Variants in DEFB134 observed in about 807,000 individuals in gnomAD.
DEFB134 encodes beta-defensin 134.
In DEFB134, 7 loss-of-function variants were observed where a neutral mutation model predicts 7.4. That is an observed-to-expected ratio of 0.95 (90% confidence interval 0.54 to 1.79). The LOEUF is 1.79. DEFB134 is among the 40% of genes most tolerant of loss of function. The pLI is 0.00. For synonymous variants in DEFB134, 33 were observed against 25.0 expected (o/e 1.32, Z -0.96); for missense variants, 105 against 74.8 (o/e 1.40, Z -1.49).
rs148003710 is a variant in DEFB134 at position 11,996,223 on chromosome 8, A to G, written c.29T>C (p.Phe10Ser). The G allele has an allele frequency of 4.8e-5, 78 of 1,613,804 alleles. No individual in the cohort carries two copies. In the East Asian group the frequency reaches 1.3e-3, roughly 27 times the overall value. The stretch of plus-strand genomic sequence containing the variant: ...CAGCACTGGATCCCAAAGGAAAAGA[A>G]AGACAAACACAACAAGGAGAGGCTT... Residue 10 changes from phenylalanine (F) to serine (S), a missense_variant, in exon 1 of 2, where the codon TTT (phenylalanine) becomes TCT (serine). By Grantham distance (155) the Phe-to-Ser change is radical. Transcript: ENST00000526438.
In DEFB134 at chr8:11,994,000, T is replaced by C. The variant is rs201160571; in HGVS notation, c.181A>G (p.Lys61Glu). The change falls in exon 2 of 2, where the codon AAA (lysine) becomes GAA (glutamate). Residue 61 changes from lysine (K) to glutamate (E), a missense_variant. Lys to Glu is a moderately conservative substitution (Grantham distance 56). Transcript: ENST00000526438. ...TTATGTCAGGGTGCAGGATTTCCTT[T>C]GACACAGCACTCCAGCTGAAACATA... 5.1e-5 allele frequency: 83 copies of C among 1,613,596 alleles called. No homozygotes were observed. The highest frequency in any genetic ancestry group is 8.5e-6 in the Non-Finnish European group (10 of 1,179,916).
At chr8:12,000,549 C>G (rs9694287), upstream of DEFB134, among the ~76,000 whole-genome samples, 51,403 of 151,952 alleles carry the variant, frequency 0.34, 9,243 homozygotes, top group Non-Finnish European at 0.41. Flanking sequence ...TGCTTTTTTT[C>G]TATACATGCA....
chr8:11,996,265 T>C (rs552189482), exon 1 of DEFB134: 1 of 1,613,490 alleles, frequency 6.2e-7, no homozygotes, highest in Admixed American at 1.7e-5. Flanking sequence ...TGGGAACTTC[T>C]GTTAAGGAGG....
At chr8:12,000,725 T>C (rs1800247363), upstream of DEFB134, among the ~76,000 whole-genome samples, 1 of 152,194 alleles carries the variant, frequency 6.6e-6, no homozygotes, top group South Asian at 2.1e-4. Context: ...TGCTCACTCT[T>C]CTTCTTGTGC....
chr8:11,993,674 C>G, exon 2 of DEFB134: 1 of 245,460 alleles, frequency 4.1e-6, no homozygotes, highest in Non-Finnish European at 7.7e-6. Flanking sequence ...TGAAGCCTTT[C>G]TAAATAATAA....
intron 1 of DEFB134, among the ~76,000 whole-genome samples, chr8:11,994,398 A>G (rs376491674): frequency 3.3e-5 from 5 of 152,332 alleles, no homozygotes; most frequent in African/African-American, 1.2e-4. Flanking sequence ...CCCTAATCCA[A>G]TAAGATTGAT....
At chr8:12,000,095 T>G (rs528555725), upstream of DEFB134, among the ~76,000 whole-genome samples, 1 of 152,370 alleles carries the variant, frequency 6.6e-6, no homozygotes, top group Admixed American at 6.5e-5. Context: ...AGATTCAATA[T>G]GCAGCCTTTC....
intron 1 of DEFB134, among the ~76,000 whole-genome samples, chr8:11,994,366 A>G (rs1800062642): frequency 6.6e-6 from 1 of 152,190 alleles, no homozygotes; most frequent in Non-Finnish European, 1.5e-5. Flanking sequence ...AATATAAGTT[A>G]AATGAGGTCA....
Position 11,996,120 on chromosome 8 carries a change from T to C in DEFB134, c.58+74A>G. 1.9e-6 allele frequency: 3 copies of C among 1,562,090 alleles called. No homozygotes were observed. In the South Asian group the frequency reaches 3.4e-5, roughly 17 times the overall value. Reference sequence around the variant, plus strand: ...AATTAAAGGGCCCATGGGTGGTGTATGTTTATTGGGTTGTTTAGTGGCATT... The same window carrying C: ...AATTAAAGGGCCCATGGGTGGTGTACGTTTATTGGGTTGTTTAGTGGCATT... On this transcript the variant is annotated intron_variant, in intron 1 of 1. Coordinates refer to ENST00000526438, the Ensembl canonical transcript of DEFB134.
At chr8:11,993,563 T>C (rs1222663150) in exon 2 of DEFB134, 1 of 157,114 alleles carries the variant, frequency 6.4e-6, no homozygotes, top group African/African-American at 2.4e-5. Flanking sequence ...CAGAAGGCCA[T>C]GGCAAATCTG....
intron 1 of DEFB134, among the ~76,000 whole-genome samples, 163 bp downstream of exon 2, chr8:11,996,031 C>T (rs925980901): frequency 6.0e-5 from 9 of 151,108 alleles, no homozygotes; most frequent in Non-Finnish European, 1.3e-4. Flanking sequence ...ACAAGTTGGA[C>T]AGCCAGATTC....
In DEFB134 at chr8:11,996,179, A is replaced by G; in HGVS notation, c.58+15T>C. 7 of 1,613,544 alleles carry G rather than the reference A, an allele frequency of 4.3e-6. No individual in the cohort carries two copies. Among genetic ancestry groups the G allele is most frequent in the Non-Finnish European group, 5.9e-6 (7 of 1,179,582 alleles). On this transcript the variant is annotated intron_variant, in intron 1 of 1. Transcript: ENST00000526438. ...ATATGAAGCACCCCTACCCCCCAAA[A>G]TATGCCAGTTTTACCTGCCAGCACT...
upstream of DEFB134, chr8:11,996,343 A>T (rs567793078): frequency 3.5e-6 from 5 of 1,428,582 alleles, no homozygotes; most frequent in South Asian, 6.0e-5. Context: ...AGTCCTATAC[A>T]AACCTCTCAG....
chr8:11,998,104 T>C (rs1002356695), upstream of DEFB134, among the ~76,000 whole-genome samples: 1 of 152,148 alleles, frequency 6.6e-6, no homozygotes, highest in Non-Finnish European at 1.5e-5. Context: ...AACAATATGC[T>C]CCTTAAAGAC....
chr8:11,994,237 G>C, intron 1 of DEFB134, 115 bp from the exon 3 acceptor site: 1 of 1,293,810 alleles, frequency 7.7e-7, no homozygotes. Flanking sequence ...TATGATAATT[G>C]ATCCTGTAAC....
upstream of DEFB134, among the ~76,000 whole-genome samples, chr8:11,996,836 T>C (rs1800137600): frequency 1.3e-5 from 2 of 152,236 alleles, no homozygotes; most frequent in East Asian, 3.8e-4. Context: ...ACTTCATAAA[T>C]AGTATTTTTA....
upstream of DEFB134, among the ~76,000 whole-genome samples, chr8:11,997,687 T>C (rs971336945): frequency 4.6e-5 from 7 of 152,208 alleles, no homozygotes; most frequent in Non-Finnish European, 7.3e-5. Context: ...TAAATATATA[T>C]GCACCCAATA....
At chr8:11,996,088 G>C (rs961252563) in intron 1 of DEFB134, 106 bp downstream of exon 2, 8 of 1,361,176 alleles carry the variant, frequency 5.9e-6, no homozygotes, top group Admixed American at 2.1e-5. Flanking sequence ...CTTTTTTCTA[G>C]CTTGAAAATT....
chr8:11,997,752 A>G (rs774103091), upstream of DEFB134, among the ~76,000 whole-genome samples: 2 of 152,236 alleles, frequency 1.3e-5, no homozygotes, highest in Non-Finnish European at 2.9e-5. Flanking sequence ...AGAGACTTAG[A>G]TAACCACACA....
Sources: allele counts gnomAD v4.1 joint callset (sites outside exome capture counted in the v4.1 genomes callset), GRCh38; gene constraint gnomAD v4.1.1; transcripts MANE v1.5; gene names NCBI Gene and HGNC (gene_info 2026-07-23, HGNC 2026-07-21).